Variants in BCAS1 observed in about 807,000 individuals in gnomAD.
BCAS1 encodes breast carcinoma-amplified sequence 1.
In BCAS1, 46 loss-of-function variants were observed where a neutral mutation model predicts 65.4. The observed-to-expected ratio is 0.70, with a 90% CI of 0.55 to 0.90. The LOEUF (loss-of-function observed/expected upper bound fraction) is 0.90, where lower values mean the gene tolerates loss of function less well. Among genes scored for constraint, BCAS1 ranks in the 40% least tolerant of loss-of-function variants. BCAS1 has a pLI of 0.00. For missense variants in BCAS1, 793 were observed against 771.2 expected, an observed-to-expected ratio of 1.03 and a Z score of -0.33; for synonymous variants, 298 against 293.5, an observed-to-expected ratio of 1.02 and a Z score of -0.16.
intron 4 of BCAS1, among the ~76,000 whole-genome samples, chr20:53,997,495 C>T (rs975977880): frequency 1.1e-4 from 16 of 152,118 alleles, no homozygotes; most frequent in African/African-American, 3.9e-4. Flanking sequence ...TGGACATTCA[C>T]AGTGTGTATA....
chr20:54,024,238 A>G (rs565226992), intron 4 of BCAS1, among the ~76,000 whole-genome samples: 1 of 152,354 alleles, frequency 6.6e-6, no homozygotes, highest in East Asian at 1.9e-4. Context: ...ACTACTAAAT[A>G]CCATGTAGGA....
chr20:53,988,364 T>C (rs1021238501), intron 7 of BCAS1, among the ~76,000 whole-genome samples: 1 of 152,202 alleles, frequency 6.6e-6, no homozygotes, highest in African/African-American at 2.4e-5. Context: ...CTGCTTAGTC[T>C]CCCTGGACCA....
intron 3 of BCAS1, 171 bp from the exon 4 acceptor site, chr20:54,029,143 C>A: frequency 1.0e-6 from 1 of 985,368 alleles, no homozygotes; most frequent in African/African-American, 1.7e-5. Flanking sequence ...TTGGACCCTG[C>A]TTTTCTTGGG....
chr20:53,994,827 A>T (rs919729857), intron 6 of BCAS1, among the ~76,000 whole-genome samples, 185 bp downstream of exon 6: 10 of 152,100 alleles, frequency 6.6e-5, no homozygotes, highest in African/African-American at 2.2e-4. Flanking sequence ...GTTAATGTAA[A>T]TAAAATATTT....
chr20:53,977,284 C>A (rs2090359767), intron 8 of BCAS1, among the ~76,000 whole-genome samples: 1 of 152,124 alleles, frequency 6.6e-6, no homozygotes, highest in African/African-American at 2.4e-5. Context: ...CACAGCCAAA[C>A]CATATCAGAT....
chr20:53,948,938 T>G (rs2089423536), intron 12 of BCAS1, among the ~76,000 whole-genome samples: 1 of 152,176 alleles, frequency 6.6e-6, no homozygotes, highest in African/African-American at 2.4e-5. Context: ...CTGCGCTGAT[T>G]GTCACAAGCC....
chr20:54,041,015 G>T (rs140452612), intron 3 of BCAS1, among the ~76,000 whole-genome samples: 3 of 151,336 alleles, frequency 2.0e-5, no homozygotes, highest in African/African-American at 4.8e-5. Context: ...ACAAAGCACC[G>T]ATCCATGTTA....
chr20:53,994,892 C>T, intron 6 of BCAS1, 120 bp downstream of exon 6: 1 of 382,736 alleles, frequency 2.6e-6, no homozygotes, highest in Admixed American at 3.4e-5. Flanking sequence ...ATATGATACA[C>T]ACACACACAC....
chr20:53,963,443 T>G (rs1318775852), intron 10 of BCAS1, among the ~76,000 whole-genome samples: 4 of 151,486 alleles, frequency 2.6e-5, no homozygotes, highest in African/African-American at 9.7e-5. Flanking sequence ...ATTGTGCCAT[T>G]GCACTCCAGC....
chr20:54,058,521 G>C (rs2092331544), intron 2 of BCAS1, 126 bp downstream of exon 2: 1 of 1,482,020 alleles, frequency 6.7e-7, no homozygotes, highest in East Asian at 2.3e-5. Context: ...TCGCTCCACT[G>C]TCTTGCACAC....
At position 53,997,900 on chromosome 20, in the gene BCAS1, CT is replaced by C. The variant is rs557893482; in HGVS notation, c.724-1851del. Among the ~76,000 whole-genome samples the C allele has an allele frequency of 3.5e-4, 54 of 152,250 alleles. 2 individuals carry two copies. The East Asian group carries it at 9.6e-3, about 27-fold the overall frequency. On this transcript the variant is annotated intron_variant, in intron 4 of 12. Coordinates refer to ENST00000688948, the MANE Select transcript of BCAS1 (RefSeq NM_001366298.2). ...GCATCGTCTTCACTCTTCGCCCTCC[CT>C]TTCATCCCCGTGTAGTCCTTCCTTT...
Position 53,973,709 on chromosome 20 carries a change from T to C in BCAS1, c.1317+1680A>G, listed in dbSNP as rs186734729. ...CTTGTAGGTTGCGGGAATAGAAACT[T>C]TGACTTTCTATAAAATAGTAATTCA... is the stretch of plus-strand genomic sequence containing the variant. On this transcript the variant is annotated intron_variant, in intron 9 of 12. Coordinates refer to ENST00000688948, the MANE Select transcript of BCAS1 (RefSeq NM_001366298.2). 5.3e-4 allele frequency among the ~76,000 whole-genome samples: 80 copies of C among 152,336 alleles called. 1 individual carries two copies. The highest frequency in any genetic ancestry group is 2.0e-3 in the Admixed American group (30 of 15,304).
intron 3 of BCAS1, among the ~76,000 whole-genome samples, chr20:54,038,172 T>C (rs290469): frequency 0.067 from 10,080 of 151,196 alleles, 817 homozygotes; most frequent in East Asian, 0.31. Flanking sequence ...AGTTATTCTT[T>C]CAATCTGGAA....
intron 4 of BCAS1, among the ~76,000 whole-genome samples, chr20:54,023,865 T>C (rs2091613950): frequency 6.6e-6 from 1 of 152,206 alleles, no homozygotes; most frequent in Non-Finnish European, 1.5e-5. Flanking sequence ...ACTCTTAAAT[T>C]AGAGTCAACT....
At chr20:53,993,240 G>A (rs575121411) in intron 6 of BCAS1, among the ~76,000 whole-genome samples, 2 of 152,296 alleles carry the variant, frequency 1.3e-5, no homozygotes, top group South Asian at 2.1e-4. Flanking sequence ...GAGGGAGATC[G>A]AAACCGAAAT....
intron 7 of BCAS1, among the ~76,000 whole-genome samples, chr20:53,988,288 C>G (rs1040883829): frequency 6.6e-6 from 1 of 152,182 alleles, no homozygotes; most frequent in African/African-American, 2.4e-5. Flanking sequence ...CCTGGGACAG[C>G]TCCAGTTTAC....
At chr20:53,969,943 A>G (rs2145653266) in intron 9 of BCAS1, among the ~76,000 whole-genome samples, 1 of 152,266 alleles carries the variant, frequency 6.6e-6, no homozygotes, top group South Asian at 2.1e-4. Context: ...ACTTAGACTA[A>G]TCATGATCAA....
intron 3 of BCAS1, among the ~76,000 whole-genome samples, chr20:54,032,797 A>C (rs2214530): frequency 0.19 from 29,265 of 151,066 alleles, 3,614 homozygotes; most frequent in East Asian, 0.31. Flanking sequence ...TATATGCACC[A>C]AACACAGGAA....
chr20:54,058,347 G>C (rs1288924811), intron 2 of BCAS1, among the ~76,000 whole-genome samples, 193 bp from the exon 3 acceptor site: 3 of 152,162 alleles, frequency 2.0e-5, no homozygotes, highest in Non-Finnish European at 4.4e-5. Flanking sequence ...GTGGACTCCA[G>C]TTATTATGAG....
Sources: gnomAD v4.1 joint callset for allele counts (sites outside exome capture counted in the v4.1 genomes callset) on GRCh38, gnomAD v4.1.1 for gene constraint, MANE v1.5 for transcripts, NCBI Gene and HGNC (gene_info 2026-07-23, HGNC 2026-07-21) for gene names.